Variants in MAP7D2 observed in about 807,000 individuals in gnomAD.
MAP7D2 encodes the protein MAP7 domain containing 2, also known as MAP7 domain-containing protein 2.
MAP7D2 carries 33 observed loss-of-function variants against 63.5 expected under a neutral mutation model. The ratio of observed to expected loss-of-function variants is 0.52; its 90% CI spans 0.39 to 0.70. The LOEUF (loss-of-function observed/expected upper bound fraction) is 0.70. Ranked by LOEUF, MAP7D2 falls within the 30% of genes least tolerant of loss-of-function variation. The pLI, the probability that MAP7D2 is intolerant of heterozygous loss-of-function variation, is 0.00. For synonymous variants in MAP7D2, 224 were observed against 223.7 expected (o/e 1.00, Z -0.01); for missense variants, 626 against 604.0 (o/e 1.04, Z -0.38).
intron 1 of MAP7D2, among the ~76,000 whole-genome samples, chrX:20,089,171 G>T (rs773196030): frequency 2.7e-5 from 3 of 111,627 alleles, no homozygotes; most frequent in Non-Finnish European, 3.8e-5. Flanking sequence ...TATCAATCAC[G>T]GGTCATTTTT....
At position 20,026,940 on chromosome X, in the gene MAP7D2, A is replaced by G. The variant is rs892098755; in HGVS notation, c.1008-988T>C. ...CAATCCTCAGCAGGTTGAACCATGAATTGCTAATATCTGACTTTTTTGATC... is the reference window on the plus strand; with the variant it reads ...CAATCCTCAGCAGGTTGAACCATGAGTTGCTAATATCTGACTTTTTTGATC... On this transcript the variant is annotated intron_variant, in intron 8 of 16. Transcript: ENST00000379643. Among the ~76,000 whole-genome samples the G allele has an allele frequency of 6.2e-5, 7 of 112,415 alleles. No individual in the cohort carries two copies. In the Admixed American group the frequency reaches 6.6e-4, roughly 11 times the overall value.
intron 10 of MAP7D2, among the ~76,000 whole-genome samples, chrX:20,017,965 C>CTT (rs141142969): frequency 1.2e-4 from 10 of 85,694 alleles, no homozygotes; most frequent in East Asian, 6.6e-4. Context: ...AATCCATTCT[C>CTT]TTTTTTTTTT....
intron 1 of MAP7D2, among the ~76,000 whole-genome samples, chrX:20,105,756 C>T (rs1276276963): frequency 2.7e-5 from 3 of 111,545 alleles, no homozygotes; most frequent in Non-Finnish European, 5.7e-5. Flanking sequence ...TGACCCCGAC[C>T]CCAACACCAA....
intron 4 of MAP7D2, chrX:20,055,598 T>C (rs2065050648): frequency 3.2e-6 from 1 of 313,695 alleles, no homozygotes; most frequent in Non-Finnish European, 5.6e-6. Context: ...GTCATTCACA[T>C]TGCTAGGAAA....
At chrX:20,084,978 T>C (rs1444955600) in intron 1 of MAP7D2, among the ~76,000 whole-genome samples, 2 of 111,589 alleles carry the variant, frequency 1.8e-5, no homozygotes, top group Non-Finnish European at 3.8e-5. Context: ...AGTGAAACCA[T>C]GGTAGGAACC....
chrX:20,094,162 G>T (rs1008123363), intron 1 of MAP7D2, among the ~76,000 whole-genome samples: 2 of 109,773 alleles, frequency 1.8e-5, no homozygotes, highest in African/African-American at 6.6e-5. Context: ...GGAAATGCAA[G>T]TAGCTTCAGA....
chrX:20,014,299 G>A (rs1178304510), intron 12 of MAP7D2, among the ~76,000 whole-genome samples: 1 of 112,522 alleles, frequency 8.9e-6, no homozygotes, highest in Non-Finnish European at 1.9e-5. Flanking sequence ...CAAGCACAGT[G>A]GCTCACGTCT....
rs765369970 is a variant in MAP7D2, at chrX:20,048,702, G to A, written c.718+2122C>T. ...GAACTTTGGGAGGCCAAAGTAGATG[G>A]GTCGCGCTTGAGCCCAAGAGTTTGA... On this transcript the variant is annotated intron_variant, in intron 6 of 16. Transcript: ENST00000379643. Among the ~76,000 whole-genome samples the A allele has an allele frequency of 2.7e-5, 3 of 110,034 alleles. No homozygotes were observed. The South Asian group carries it at 1.2e-3, about 44-fold the overall frequency.
In MAP7D2 at chrX:20,015,340, G is replaced by A. The variant is rs1392858643; in HGVS notation, c.1645-13C>T. 1.7e-6 allele frequency: 2 copies of A among 1,161,939 alleles called. No individual in the cohort carries two copies. The highest frequency in any genetic ancestry group is 4.4e-5 in the Admixed American group (2 of 45,911). ...CTGCTGCTTCTTTCTAACAGAAACA[G>A]GTAAATCAAGGCAAAGCTTTAATAA... On this transcript the variant is annotated splice_polypyrimidine_tract_variant and intron_variant, in intron 11 of 16. Transcript: ENST00000379643.
At chrX:20,046,470 G>C (rs1430498542) in intron 6 of MAP7D2, among the ~76,000 whole-genome samples, 1 of 112,838 alleles carries the variant, frequency 8.9e-6, no homozygotes, top group Non-Finnish European at 1.9e-5. Flanking sequence ...AAGTGTCACT[G>C]CTGTTGATGC....
chrX:20,082,924 G>A (rs751461056), intron 1 of MAP7D2, among the ~76,000 whole-genome samples: 8 of 111,701 alleles, frequency 7.2e-5, no homozygotes, highest in East Asian at 2.8e-4. Flanking sequence ...CACTGCGCCC[G>A]GCCACAGATA....
intron 12 of MAP7D2, among the ~76,000 whole-genome samples, chrX:20,014,465 G>A (rs1047544085): frequency 9.0e-6 from 1 of 111,289 alleles, no homozygotes; most frequent in Non-Finnish European, 1.9e-5. Context: ...CTAGTTGGGA[G>A]GCTGAGGCAG....
At chrX:20,025,128 G>C in intron 9 of MAP7D2, 45 bp from the exon 10 acceptor site, 2 of 1,156,471 alleles carry the variant, frequency 1.7e-6, no homozygotes, top group Non-Finnish European at 2.3e-6. Flanking sequence ...CAAGGGAAAC[G>C]AATATAATGA....
intron 1 of MAP7D2, among the ~76,000 whole-genome samples, chrX:20,099,114 C>G (rs1003785207): frequency 8.9e-6 from 1 of 112,606 alleles, no homozygotes; most frequent in Non-Finnish European, 1.9e-5. Context: ...CACAGTACCT[C>G]CTATCCTGAG....
Position 20,116,490 on chromosome X carries a change from T to C in MAP7D2, c.130+260A>G, listed in dbSNP as rs756781618. 27 of 787,545 alleles carry C rather than the reference T, an allele frequency of 3.4e-5. 1 individual carries two copies. In the South Asian group the frequency reaches 1.6e-3, roughly 47 times the overall value. The allele number at this position is 787,545 out of a possible 1,213,427, so 64.9% of individuals were successfully genotyped here. ...CAGGCACCTCCATCCCAAACACACC[T>C]GCCGCCCACCCTAAGCCACCCCCCA... is the stretch of plus-strand genomic sequence containing the variant. On this transcript the variant is annotated intron_variant, in intron 1 of 16. Coordinates refer to ENST00000379643, the MANE Select transcript of MAP7D2 (RefSeq NM_001168465.2).
Position 20,013,520 on chromosome X carries a change from CT to C in MAP7D2, c.1806+48del. 4 of 1,042,909 alleles carry C rather than the reference CT, an allele frequency of 3.8e-6. No individual in the cohort carries two copies. In the South Asian group the frequency reaches 6.3e-5, roughly 17 times the overall value. 85.9% of individuals were successfully genotyped at this position (1,042,909 alleles called of 1,213,427 possible). On this transcript the variant is annotated intron_variant, in intron 13 of 16. Coordinates refer to ENST00000379643, the MANE Select transcript of MAP7D2 (RefSeq NM_001168465.2). ...ATTTCACTGAGTGTATTCTGCTGTT[CT>C]TTTCTACTTAGTACATAAACTATTA...
intron 1 of MAP7D2, among the ~76,000 whole-genome samples, chrX:20,104,162 T>G (rs1456114441): frequency 8.9e-6 from 1 of 112,245 alleles, no homozygotes; most frequent in Non-Finnish European, 1.9e-5. Context: ...AAGCAATTAT[T>G]CTTCAGAAAA....
intron 1 of MAP7D2, among the ~76,000 whole-genome samples, chrX:20,099,239 T>A (rs1399599425): frequency 4.2e-4 from 1 of 2,391 alleles, no homozygotes; most frequent in South Asian, 0.042. Flanking sequence ...GTTTATACTC[T>A]CTCTCTCTCT....
chrX:20,095,139 G>A (rs922781001), intron 1 of MAP7D2, among the ~76,000 whole-genome samples: 33 of 111,087 alleles, frequency 3.0e-4, no homozygotes, highest in African/African-American at 1.1e-3. Flanking sequence ...TAAAACGACT[G>A]GGCTGTATGT....
Sources: allele counts gnomAD v4.1 joint callset (sites outside exome capture counted in the v4.1 genomes callset), GRCh38; gene constraint gnomAD v4.1.1; transcripts MANE v1.5; gene names NCBI Gene and HGNC (gene_info 2026-07-23, HGNC 2026-07-21).